Variants in SNX9 observed in about 807,000 individuals in gnomAD.
SNX9 encodes sorting nexin 9, also known as sorting nexin-9.
In SNX9, 44 loss-of-function variants were observed where a neutral mutation model predicts 89.4. That is an observed-to-expected ratio of 0.49 (90% CI 0.39 to 0.63). The LOEUF is 0.63. Among genes scored for constraint, SNX9 ranks in the 30% least tolerant of loss-of-function variants. The pLI, the probability that SNX9 is intolerant of heterozygous loss-of-function variation, is 0.00. For missense variants in SNX9, 578 were observed against 736.1 expected (o/e 0.79, Z 2.49); for synonymous variants, 236 against 247.8 (o/e 0.95, Z 0.45).
intron 1 of SNX9, among the ~76,000 whole-genome samples, chr6:157,853,280 T>C (rs1583200231): frequency 6.6e-6 from 1 of 152,292 alleles, no homozygotes; most frequent in Middle Eastern, 3.4e-3. Flanking sequence ...ACATTTGGCT[T>C]GTACATGTTG....
At chr6:157,931,370 A>G (rs1004995974) in intron 12 of SNX9, among the ~76,000 whole-genome samples, 1 of 152,238 alleles carries the variant, frequency 6.6e-6, no homozygotes, top group Non-Finnish European at 1.5e-5. Flanking sequence ...AGAAACATTA[A>G]AAGTTTTCTT....
At chr6:157,838,522 A>T (rs1379308431) in intron 1 of SNX9, among the ~76,000 whole-genome samples, 1 of 152,130 alleles carries the variant, frequency 6.6e-6, no homozygotes, top group Non-Finnish European at 1.5e-5. Flanking sequence ...CAGAAATGAG[A>T]CCCTCTGACC....
intron 4 of SNX9, among the ~76,000 whole-genome samples, chr6:157,884,766 T>A (rs553802061): frequency 6.6e-6 from 1 of 152,360 alleles, no homozygotes; most frequent in African/African-American, 2.4e-5. Context: ...GCTTTGTTCA[T>A]CTCAGGAACC....
intron 1 of SNX9, among the ~76,000 whole-genome samples, chr6:157,833,891 A>T (rs906796818): frequency 6.6e-6 from 1 of 152,198 alleles, no homozygotes; most frequent in African/African-American, 2.4e-5. Flanking sequence ...TGGAAAGCCA[A>T]ACACTGAAGC....
chr6:157,841,414 A>G (rs1781700332), intron 1 of SNX9, among the ~76,000 whole-genome samples: 1 of 152,200 alleles, frequency 6.6e-6, no homozygotes, highest in African/African-American at 2.4e-5. Flanking sequence ...CAGGATGGTC[A>G]GGGAGCTTGA....
intron 9 of SNX9, among the ~76,000 whole-genome samples, chr6:157,912,299 G>A (rs1783364718): frequency 6.6e-6 from 1 of 152,120 alleles, no homozygotes; most frequent in Non-Finnish European, 1.5e-5. Context: ...GCCTATTTCA[G>A]GCTTGTAAGA....
intron 17 of SNX9, 63 bp downstream of exon 17, chr6:157,941,037 T>C: frequency 7.3e-7 from 1 of 1,377,148 alleles, no homozygotes. Context: ...TAAACCACTT[T>C]GACCATGTAA....
At chr6:157,893,514 C>A (rs1782906892) in intron 4 of SNX9, among the ~76,000 whole-genome samples, 1 of 144,354 alleles carries the variant, frequency 6.9e-6, no homozygotes, top group Non-Finnish European at 1.5e-5. Flanking sequence ...AGACCAGCCA[C>A]TAGGGTGTCT....
At chr6:157,835,860 TC>T (rs1438508687) in intron 1 of SNX9, among the ~76,000 whole-genome samples, 4 of 152,156 alleles carry the variant, frequency 2.6e-5, no homozygotes, top group Non-Finnish European at 5.9e-5. Context: ...CTTGGGCAGT[TC>T]TTTATAGCCG....
intron 1 of SNX9, among the ~76,000 whole-genome samples, chr6:157,853,655 C>T (rs1292418702): frequency 2.0e-5 from 3 of 152,146 alleles, no homozygotes; most frequent in Non-Finnish European, 4.4e-5. Flanking sequence ...GTAGCAGAAC[C>T]ACCTTTTGTA....
intron 4 of SNX9, among the ~76,000 whole-genome samples, chr6:157,895,685 A>G (rs1782963494): frequency 6.6e-6 from 1 of 152,228 alleles, no homozygotes. Flanking sequence ...GTTTAAAAAC[A>G]AAAAGGATCT....
At chr6:157,859,725 G>A (rs1782081349) in intron 1 of SNX9, among the ~76,000 whole-genome samples, 1 of 152,106 alleles carries the variant, frequency 6.6e-6, no homozygotes, top group Admixed American at 6.5e-5. Context: ...GCATTTAAGG[G>A]CCATTGTATT....
intron 12 of SNX9, 51 bp downstream of exon 12, chr6:157,928,753 C>G (rs753989395): frequency 1.3e-5 from 18 of 1,386,600 alleles, no homozygotes; most frequent in Non-Finnish European, 1.6e-5. Context: ...GATGCAGGCT[C>G]AGTTTTATGT....
At chr6:157,926,044 G>A (rs565916650) in intron 10 of SNX9, among the ~76,000 whole-genome samples, 1 of 152,284 alleles carries the variant, frequency 6.6e-6, no homozygotes, top group East Asian at 1.9e-4. Flanking sequence ...TCATTCACAA[G>A]GGGAGAAGCT....
Position 157,937,473 on chromosome 6 carries a change from G to T in SNX9, c.1483G>T (p.Glu495Ter). Reference sequence around the variant, plus strand: ...CCATTTCCTGATGGAATGTAATCACGAGTATAAAGGTTTTCTTGGCTGCTT... The same window carrying T: ...CCATTTCCTGATGGAATGTAATCACTAGTATAAAGGTTTTCTTGGCTGCTT... The part of the protein sequence containing the change: ...DLHFLMECNH[E>*]YKGFLGCFPD... Residue 495 changes from glutamate (E) to a stop codon, truncating the protein, a stop_gained, in exon 15 of 18, where the codon GAG (glutamate) becomes TAG (stop). Coordinates refer to ENST00000392185, the MANE Select transcript of SNX9 (RefSeq NM_016224.5). LOFTEE classifies it high-confidence loss of function. The T allele has an allele frequency of 1.2e-6, 2 of 1,613,818 alleles. No individual in the cohort carries two copies. Among genetic ancestry groups the T allele is most frequent in the Non-Finnish European group, 1.7e-6 (2 of 1,179,818 alleles).
At chr6:157,824,541 T>C (rs1781305383) in intron 1 of SNX9, among the ~76,000 whole-genome samples, 1 of 152,222 alleles carries the variant, frequency 6.6e-6, no homozygotes. Context: ...GTGTTTGCTT[T>C]TTTTGTGGAG....
chr6:157,824,840 T>C (rs1781310658), intron 1 of SNX9, among the ~76,000 whole-genome samples: 1 of 152,186 alleles, frequency 6.6e-6, no homozygotes, highest in Non-Finnish European at 1.5e-5. Context: ...TTTTTAAAAA[T>C]AAAACTTAGG....
chr6:157,919,918 C>A (rs1457431660), intron 9 of SNX9, among the ~76,000 whole-genome samples: 1 of 152,146 alleles, frequency 6.6e-6, no homozygotes, highest in Non-Finnish European at 1.5e-5. Flanking sequence ...AAGATTAAAT[C>A]TCTGAAGTCT....
intron 4 of SNX9, among the ~76,000 whole-genome samples, chr6:157,878,888 AG>A (rs1483451122): frequency 6.6e-6 from 1 of 151,802 alleles, no homozygotes; most frequent in Non-Finnish European, 1.5e-5. Context: ...TGAAGAATTC[AG>A]AAAAATAGGT....
Sources: gnomAD v4.1 joint callset for allele counts (sites outside exome capture counted in the v4.1 genomes callset) on GRCh38, gnomAD v4.1.1 for gene constraint, MANE v1.5 for transcripts, NCBI Gene and HGNC (gene_info 2026-07-23, HGNC 2026-07-21) for gene names.